Variants in ITFG2 observed in about 807,000 individuals in gnomAD.
The protein encoded by ITFG2 is integrin alpha FG-GAP repeat containing 2.
In ITFG2, 36 loss-of-function variants were observed where a neutral mutation model predicts 54.4. The ratio of observed to expected loss-of-function variants is 0.66; its 90% CI spans 0.51 to 0.87. The LOEUF is 0.87. Among genes scored for constraint, ITFG2 ranks in the 40% least tolerant of loss-of-function variants. The pLI is 0.00. For missense variants in ITFG2, 524 were observed against 576.7 expected (o/e 0.91, Z 0.94); for synonymous variants, 211 against 225.4 (o/e 0.94, Z 0.57).
chr12:2,854,420 G>C (rs1047073309), intron 2 of ITFG2, among the ~76,000 whole-genome samples: 1 of 152,196 alleles, frequency 6.6e-6, no homozygotes, highest in African/African-American at 2.4e-5. Context: ...CCCTTCATCG[G>C]TGAGGGAGCT....
intron 2 of ITFG2, chr12:2,849,182 C>G (rs566536151): frequency 4.2e-5 from 62 of 1,490,164 alleles, no homozygotes; most frequent in Non-Finnish European, 5.3e-5. Flanking sequence ...ATTGAGAACA[C>G]TGGAGCCTGG....
chr12:2,820,348 CAA>C, intron 5 of ITFG2, 123 bp downstream of exon 5: 2 of 1,203,000 alleles, frequency 1.7e-6, no homozygotes, highest in East Asian at 2.6e-5. Context: ...GTCACCTTGT[CAA>C]GAGAGATCCA....
intron 2 of ITFG2, chr12:2,849,227 C>G: frequency 6.5e-7 from 1 of 1,532,582 alleles, no homozygotes; most frequent in Non-Finnish European, 8.7e-7. Context: ...CTCTGGAAGC[C>G]CTTCTAGAAG....
At chr12:2,827,965 G>A (rs927712941), downstream of ITFG2, 1 of 1,614,224 alleles carries the variant, frequency 6.2e-7, no homozygotes, top group African/African-American at 1.3e-5. The surrounding 1 kb of genome is among the most constrained non-coding windows in gnomAD (Gnocchi z 4.0). Context: ...TCCTGCCCCA[G>A]CTGTAGCTCC....
intron 2 of ITFG2, chr12:2,857,714 G>A (rs2098092426): frequency 6.5e-6 from 1 of 152,732 alleles, no homozygotes; most frequent in African/African-American, 2.4e-5. Context: ...AGTAGTTAGT[G>A]TTCTCAAGCT....
At chr12:2,827,905 G>A (rs1565425553), downstream of ITFG2, 1 of 1,613,796 alleles carries the variant, frequency 6.2e-7, no homozygotes. The surrounding 1 kb of genome is among the most constrained non-coding windows in gnomAD (Gnocchi z 4.0). Flanking sequence ...CACCAGGGCT[G>A]TTGCAGAAGG....
intron 2 of ITFG2, chr12:2,849,441 C>T: frequency 6.5e-7 from 1 of 1,536,136 alleles, no homozygotes; most frequent in South Asian, 1.2e-5. Flanking sequence ...AGGGCCAGCT[C>T]CTGGCGAAAT....
At chr12:2,855,395 C>T (rs977289875) in intron 2 of ITFG2, 12 of 1,510,382 alleles carry the variant, frequency 7.9e-6, no homozygotes, top group Middle Eastern at 1.8e-4. Context: ...AGGAAGAACT[C>T]ACGCTGAGCC....
At chr12:2,841,156 ATC>A (rs1209988751) in intron 2 of ITFG2, among the ~76,000 whole-genome samples, 3 of 152,220 alleles carry the variant, frequency 2.0e-5, no homozygotes, top group African/African-American at 4.8e-5. Context: ...ACAGAACGTC[ATC>A]TCTTGCTATG....
chr12:2,818,479 G>A lies in ITFG2; in HGVS notation c.406+202G>A. On this transcript the variant is annotated intron_variant, in intron 4 of 11. Transcript: ENST00000228799. Reference sequence around the variant, plus strand: ...AATAGACAAAAATTGCTGCCCTCCTGGGCCTTATTATGAAGAAACAGAAAA... The same window carrying A: ...AATAGACAAAAATTGCTGCCCTCCTAGGCCTTATTATGAAGAAACAGAAAA... The A allele has an allele frequency of 7.0e-6, 7 of 1,004,842 alleles. 1 individual carries two copies. The Middle Eastern group carries it at 1.2e-3, about 167-fold the overall frequency. 62.2% of individuals were successfully genotyped at this position (1,004,842 alleles called of 1,614,324 possible).
intron 3 of ITFG2, chr12:2,858,572 G>T: frequency 7.2e-7 from 1 of 1,390,824 alleles, no homozygotes; most frequent in Non-Finnish European, 9.9e-7. Context: ...CAGAGGCTTG[G>T]GGTGCACTGA....
At chr12:2,859,214 G>C (rs745319066) in intron 3 of ITFG2, 11 of 1,612,274 alleles carry the variant, frequency 6.8e-6, no homozygotes, top group South Asian at 1.1e-5. Context: ...GGAGCTCTGC[G>C]GCCCAGCGGG....
At chr12:2,828,305 A>G, downstream of ITFG2, 1 of 1,600,742 alleles carries the variant, frequency 6.2e-7, no homozygotes. Context: ...CCTGTCCCCC[A>G]CTTGCTTGTT....
intron 2 of ITFG2, among the ~76,000 whole-genome samples, chr12:2,847,649 A>G (rs2098056998): frequency 6.7e-6 from 1 of 148,416 alleles, no homozygotes; most frequent in African/African-American, 2.5e-5. Context: ...CCTGGGTGAC[A>G]GAGTAAGACT....
intron 9 of ITFG2, among the ~76,000 whole-genome samples, chr12:2,822,260 A>G (rs957013570): frequency 6.6e-6 from 1 of 152,112 alleles, no homozygotes; most frequent in African/African-American, 2.4e-5. Flanking sequence ...ATCTGAAGCG[A>G]GTTTGTTTCC....
At chr12:2,849,297 A>T (rs2098062454) in intron 2 of ITFG2, 1 of 1,535,778 alleles carries the variant, frequency 6.5e-7, no homozygotes, top group African/African-American at 1.4e-5. Flanking sequence ...CCTTGGAGAG[A>T]TGGTGGAGGG....
chr12:2,840,442 C>T (rs188317247), intron 1 of ITFG2, among the ~76,000 whole-genome samples: 3,295 of 145,738 alleles, frequency 0.023, 119 homozygotes, highest in African/African-American at 0.081. Context: ...GGAGACAGAG[C>T]GAGACTCTGT....
chr12:2,857,182 C>T (rs1048734896), intron 2 of ITFG2: 3 of 654,498 alleles, frequency 4.6e-6, no homozygotes, highest in East Asian at 2.7e-5. Flanking sequence ...CCCTTGGGCC[C>T]CTGGCTACTT....
chr12:2,859,304 G>GCTCCTCTCC (rs1362480875), intron 3 of ITFG2: 7 of 1,613,258 alleles, frequency 4.3e-6, no homozygotes, highest in Admixed American at 3.3e-5. Flanking sequence ...TCCGAGACCG[G>GCTCCTCTCC]CTCCTCTCCC....
Sources: allele counts gnomAD v4.1 joint callset (sites outside exome capture counted in the v4.1 genomes callset), GRCh38; gene constraint gnomAD v4.1.1; non-coding constraint Gnocchi (gnomAD v3.1); transcripts MANE v1.5; gene names NCBI Gene and HGNC (gene_info 2026-07-23, HGNC 2026-07-21).